The following GAS7 variants were observed in gnomAD, a reference collection of about 807,000 sequenced individuals.
GAS7 encodes the protein growth arrest-specific protein 7.
A neutral mutation model predicts 71.1 loss-of-function variants in GAS7; 28 were observed. That is an observed-to-expected ratio of 0.39 (90% CI 0.29 to 0.54). GAS7 has a LOEUF of 0.54. Among genes scored for constraint, GAS7 ranks in the 20% least tolerant of loss-of-function variants. The pLI is 0.62. For missense variants in GAS7, 436 were observed against 627.8 expected, an observed-to-expected ratio of 0.69 and a Z score of 3.27; for synonymous variants, 258 against 245.8, an observed-to-expected ratio of 1.05 and a Z score of -0.46.
At chr17:10,018,498 T>C (rs910855722) in intron 2 of GAS7, among the ~76,000 whole-genome samples, 12 of 152,212 alleles carry the variant, frequency 7.9e-5, no homozygotes, top group Non-Finnish European at 1.5e-5. Flanking sequence ...TCCTCTGAAA[T>C]TTCAAGTCTC....
chr17:9,969,004 C>G lies in GAS7; in HGVS notation c.471+673G>C, dbSNP rs765081202. Among the ~76,000 whole-genome samples the G allele has an allele frequency of 6.6e-5, 10 of 152,154 alleles. No homozygotes were observed. The highest frequency in any genetic ancestry group is 1.5e-4 in the Non-Finnish European group (10 of 68,024). ...CTAGTCCTCAGTTTTTTAGGCACAGCTTCACGCAACTAGAAAAGCCGTAAG... is the reference window on the plus strand; with the variant it reads ...CTAGTCCTCAGTTTTTTAGGCACAGGTTCACGCAACTAGAAAAGCCGTAAG... On this transcript the variant is annotated intron_variant, in intron 4 of 13. Transcript: ENST00000432992. The surrounding 1 kb of genome is among the most constrained non-coding windows in gnomAD (Gnocchi z 5.5).
At chr17:9,957,576 T>C (rs373198007) in intron 5 of GAS7, among the ~76,000 whole-genome samples, 2,743 of 147,148 alleles carry the variant, frequency 0.019, 75 homozygotes, top group African/African-American at 0.06. Context: ...CACTCCGACC[T>C]CCCCCCCTTT....
At chr17:10,037,452 T>C (rs746799730) in intron 1 of GAS7, among the ~76,000 whole-genome samples, 4 of 150,430 alleles carry the variant, frequency 2.7e-5, no homozygotes, top group Non-Finnish European at 5.9e-5. Context: ...TATATAGAAT[T>C]AAATATGGTT....
chr17:10,089,015 G>T (rs1371611246), intron 1 of GAS7, among the ~76,000 whole-genome samples: 1 of 151,982 alleles, frequency 6.6e-6, no homozygotes, highest in African/African-American at 2.4e-5. Flanking sequence ...AAAAAAATGA[G>T]CCAGGCATGG....
chr17:10,093,355 A>G (rs982479195), intron 1 of GAS7, among the ~76,000 whole-genome samples: 1 of 151,836 alleles, frequency 6.6e-6, no homozygotes, highest in African/African-American at 2.4e-5. Flanking sequence ...GCAGATCACA[A>G]GGTCAACAGA....
At chr17:9,980,719 C>T (rs917824068) in intron 3 of GAS7, among the ~76,000 whole-genome samples, 4 of 152,170 alleles carry the variant, frequency 2.6e-5, no homozygotes, top group Admixed American at 1.3e-4. Flanking sequence ...AAGTCCCCAC[C>T]CTCAGGGAGC....
rs559727026 is a variant in GAS7 at position 10,013,146 on chromosome 17, T to A, written c.304+6631A>T. ...ATTAAAAAAAGAGAAACCCAGAGGA[T>A]CTTGTTTGTCCTTTCCACCACGTCA... On this transcript the variant is annotated intron_variant, in intron 2 of 13. Coordinates refer to ENST00000432992, the MANE Select transcript of GAS7 (RefSeq NM_201433.2). Among the ~76,000 whole-genome samples the A allele has an allele frequency of 2.7e-5, 4 of 147,948 alleles. No homozygotes were observed. In the South Asian group the frequency reaches 8.6e-4, roughly 32 times the overall value.
intron 1 of GAS7, among the ~76,000 whole-genome samples, chr17:10,137,436 G>A (rs2074047751): frequency 6.6e-6 from 1 of 151,348 alleles, no homozygotes; most frequent in South Asian, 2.1e-4. Flanking sequence ...ATGTATATGA[G>A]TGTTTGTTTC....
chr17:9,944,218 G>A (rs2068709556), intron 6 of GAS7, among the ~76,000 whole-genome samples: 2 of 152,228 alleles, frequency 1.3e-5, no homozygotes, highest in South Asian at 4.1e-4. Context: ...GGCTGCTGGA[G>A]CACCAGCTCC....
At chr17:10,023,455 G>A (rs985077546) in intron 1 of GAS7, among the ~76,000 whole-genome samples, 1 of 152,012 alleles carries the variant, frequency 6.6e-6, no homozygotes, top group Non-Finnish European at 1.5e-5. Flanking sequence ...CCCATCAACA[G>A]ATGGATGGAT....
chr17:9,997,761 G>C (rs2071105392), intron 2 of GAS7, among the ~76,000 whole-genome samples: 2 of 152,232 alleles, frequency 1.3e-5, no homozygotes, highest in Non-Finnish European at 2.9e-5. Flanking sequence ...TCCCTCCACG[G>C]GTTCGATTCC....
At chr17:10,145,976 C>T (rs12952242) in intron 1 of GAS7, among the ~76,000 whole-genome samples, 19,795 of 152,122 alleles carry the variant, frequency 0.13, 1,717 homozygotes, top group Non-Finnish European at 0.2. Context: ...AGGCCCAGGC[C>T]CTCTGAACCA....
chr17:9,923,367 G>T (rs1391221351), intron 11 of GAS7, among the ~76,000 whole-genome samples: 1 of 127,648 alleles, frequency 7.8e-6, no homozygotes. Context: ...AGAAAAAATA[G>T]ACAAACAAGC....
chr17:10,176,062 C>A (rs2074372345), intron 1 of GAS7, among the ~76,000 whole-genome samples: 1 of 152,210 alleles, frequency 6.6e-6, no homozygotes, highest in South Asian at 2.1e-4. Flanking sequence ...CCATCTCATT[C>A]TCGGCTATAT....
Position 10,089,519 on chromosome 17 carries a change from A to C in GAS7, c.184-69622T>G, listed in dbSNP as rs1217213526. ...CGGGTTCAGAGAAAGAGAACACAGT[A>C]AAAAAAAAAAAAAAGTATTTAAAGA... On this transcript the variant is annotated intron_variant, in intron 1 of 13. Coordinates refer to ENST00000432992, the MANE Select transcript of GAS7 (RefSeq NM_201433.2). 9.0e-5 allele frequency among the ~76,000 whole-genome samples: 3 copies of C among 33,402 alleles called. No individual in the cohort carries two copies. The East Asian group carries it at 1.2e-3, about 13-fold the overall frequency. The allele number at this position is 33,402 out of a possible 152,430, so 21.9% of individuals were successfully genotyped here.
chr17:10,146,573 C>A (rs1351381604), intron 1 of GAS7, among the ~76,000 whole-genome samples: 1 of 152,146 alleles, frequency 6.6e-6, no homozygotes, highest in Admixed American at 6.5e-5. Context: ...GGAGGAGGCC[C>A]AGCAATCAGG....
chr17:9,913,095 G>A lies in GAS7; in HGVS notation c.*4133C>T, dbSNP rs923712195. On this transcript the variant is annotated 3_prime_UTR_variant, in exon 14 of 14. Coordinates refer to ENST00000432992, the MANE Select transcript of GAS7 (RefSeq NM_201433.2). ...GAGGGTTAAAAACAGGTTGATCTTG[G>A]TGATGGTCACAAGACACTAAATTTG... The A allele has an allele frequency of 8.6e-6, 2 of 232,478 alleles. No individual in the cohort carries two copies. Among genetic ancestry groups the A allele is most frequent in the Non-Finnish European group, 8.5e-6 (1 of 117,586 alleles). The allele number at this position is 232,478 out of a possible 1,614,324, so 14.4% of individuals were successfully genotyped here. A position where few individuals can be genotyped will look rare whatever the true frequency, so the allele number is the denominator to read the frequency against.
intron 1 of GAS7, among the ~76,000 whole-genome samples, chr17:10,102,153 C>T (rs181022956): frequency 8.1e-5 from 10 of 123,086 alleles, no homozygotes; most frequent in South Asian, 5.4e-4. Flanking sequence ...GTTTTGAAAA[C>T]GCACTGAAAG....
At chr17:9,962,285 A>C (rs1290581634) in intron 4 of GAS7, among the ~76,000 whole-genome samples, 1 of 149,964 alleles carries the variant, frequency 6.7e-6, no homozygotes, top group East Asian at 1.9e-4. Flanking sequence ...ACACACTATC[A>C]TAATTCTCCA....
Sources: allele counts gnomAD v4.1 joint callset (sites outside exome capture counted in the v4.1 genomes callset), GRCh38; gene constraint gnomAD v4.1.1; non-coding constraint Gnocchi (gnomAD v3.1); transcripts MANE v1.5; gene names NCBI Gene and HGNC (gene_info 2026-07-23, HGNC 2026-07-21).